Variants in CLSTN2 observed in about 807,000 individuals in gnomAD.
CLSTN2 encodes calsyntenin-2.
Under a neutral mutation model 101.2 loss-of-function variants are expected in CLSTN2, and 48 were observed. The ratio of observed to expected loss-of-function variants is 0.47; its 90% CI spans 0.38 to 0.60. The LOEUF (loss-of-function observed/expected upper bound fraction) is 0.60, where lower values mean the gene tolerates loss of function less well. Among genes scored for constraint, CLSTN2 ranks in the 20% least tolerant of loss-of-function variants. CLSTN2 has a pLI of 0.00. For synonymous variants in CLSTN2, 481 were observed against 463.6 expected (o/e 1.04, Z -0.48); for missense variants, 1,160 against 1,238.2 (o/e 0.94, Z 0.95).
intron 1 of CLSTN2, among the ~76,000 whole-genome samples, chr3:140,116,694 C>T (rs1045416549): frequency 2.0e-5 from 3 of 152,122 alleles, no homozygotes; most frequent in Non-Finnish European, 4.4e-5. Context: ...TGTCATTTAT[C>T]ACCATATCCC....
At chr3:140,040,773 G>C (rs1306991943) in intron 1 of CLSTN2, among the ~76,000 whole-genome samples, 2 of 152,112 alleles carry the variant, frequency 1.3e-5, no homozygotes, top group Non-Finnish European at 2.9e-5. Flanking sequence ...AAAGAATAAA[G>C]TCTTGGCTTG....
chr3:139,981,418 C>T (rs886082608), intron 1 of CLSTN2, among the ~76,000 whole-genome samples: 2 of 152,176 alleles, frequency 1.3e-5, no homozygotes, highest in Non-Finnish European at 2.9e-5. Flanking sequence ...TATTAATGGC[C>T]TTTGAAAGCA....
chr3:139,955,091 C>A (rs1935365596), intron 1 of CLSTN2, among the ~76,000 whole-genome samples: 1 of 89,512 alleles, frequency 1.1e-5, no homozygotes. Flanking sequence ...TATACACATA[C>A]ATGTATATAT....
chr3:140,469,523 C>T (rs963144195), intron 8 of CLSTN2, among the ~76,000 whole-genome samples: 10 of 152,170 alleles, frequency 6.6e-5, no homozygotes, highest in Admixed American at 1.3e-4. Flanking sequence ...AGTAAGGTCA[C>T]CTCCCCCAGG....
intron 2 of CLSTN2, among the ~76,000 whole-genome samples, chr3:140,273,687 G>A (rs2086765320): frequency 1.3e-5 from 2 of 152,082 alleles, no homozygotes; most frequent in South Asian, 2.1e-4. Flanking sequence ...CCCAGCAAGG[G>A]CCTCCTCGTC....
intron 1 of CLSTN2, among the ~76,000 whole-genome samples, chr3:140,033,774 C>T (rs999764198): frequency 7.9e-5 from 12 of 152,128 alleles, no homozygotes; most frequent in African/African-American, 2.7e-4. Context: ...TAGGCATAGG[C>T]GGGTGAAATT....
chr3:140,208,612 A>AT (rs2010813524), intron 2 of CLSTN2, among the ~76,000 whole-genome samples: 1 of 151,864 alleles, frequency 6.6e-6, no homozygotes, highest in Non-Finnish European at 1.5e-5. Flanking sequence ...TTCTCATTTT[A>AT]TTTTTTGCAT....
At chr3:140,330,400 T>A (rs1229896352) in intron 2 of CLSTN2, among the ~76,000 whole-genome samples, 1 of 152,208 alleles carries the variant, frequency 6.6e-6, no homozygotes, top group East Asian at 1.9e-4. Flanking sequence ...GGTCAACAAG[T>A]GTCCCAGCCA....
chr3:140,044,619 G>A (rs989645960), intron 1 of CLSTN2, among the ~76,000 whole-genome samples: 1 of 152,140 alleles, frequency 6.6e-6, no homozygotes, highest in African/African-American at 2.4e-5. Flanking sequence ...GTTTTCAAAG[G>A]GAATTCTTCC....
chr3:140,100,548 A>G (rs1027242517), intron 1 of CLSTN2, among the ~76,000 whole-genome samples: 1 of 152,248 alleles, frequency 6.6e-6, no homozygotes, highest in African/African-American at 2.4e-5. Context: ...TCTTCAAAAC[A>G]TGACTTGGTG....
intron 8 of CLSTN2, among the ~76,000 whole-genome samples, chr3:140,526,389 C>G (rs1174585428): frequency 6.6e-6 from 1 of 151,870 alleles, no homozygotes; most frequent in South Asian, 2.1e-4. Flanking sequence ...AGAAAACTAC[C>G]AAACACTGCT....
At chr3:140,515,726 GTGTT>G (rs1188002094) in intron 8 of CLSTN2, among the ~76,000 whole-genome samples, 8 of 152,082 alleles carry the variant, frequency 5.3e-5, no homozygotes, top group Admixed American at 1.3e-4. Flanking sequence ...GTCTGAGAGA[GTGTT>G]TGATATAATT....
At chr3:139,948,667 G>C (rs1009010185) in intron 1 of CLSTN2, among the ~76,000 whole-genome samples, 3 of 152,118 alleles carry the variant, frequency 2.0e-5, no homozygotes, top group African/African-American at 7.2e-5. Flanking sequence ...CTTTAGTACA[G>C]TGCTTTTACT....
chr3:140,238,322 A>G (rs557392746), intron 2 of CLSTN2, among the ~76,000 whole-genome samples: 60 of 152,252 alleles, frequency 3.9e-4, no homozygotes, highest in African/African-American at 1.4e-3. Flanking sequence ...AAACAGTGTA[A>G]AGAGATTATG....
At chr3:140,023,588 C>G (rs772731509) in intron 1 of CLSTN2, among the ~76,000 whole-genome samples, 4 of 152,100 alleles carry the variant, frequency 2.6e-5, no homozygotes, top group Non-Finnish European at 4.4e-5. Context: ...AACAAGAAAG[C>G]AGACTCCATT....
intron 1 of CLSTN2, among the ~76,000 whole-genome samples, chr3:139,983,740 A>T (rs1440404543): frequency 6.6e-6 from 1 of 152,138 alleles, no homozygotes; most frequent in African/African-American, 2.4e-5. Flanking sequence ...TTTAGCATTT[A>T]AAAAAATCAA....
At chr3:139,998,920 T>A (rs2006756159) in intron 1 of CLSTN2, among the ~76,000 whole-genome samples, 1 of 152,158 alleles carries the variant, frequency 6.6e-6, no homozygotes, top group African/African-American at 2.4e-5. Flanking sequence ...TGAGGCCAAA[T>A]TTAAAATGAG....
At chr3:140,444,127 A>G (rs72983199) in intron 5 of CLSTN2, among the ~76,000 whole-genome samples, 4,317 of 152,280 alleles carry the variant, frequency 0.028, 203 homozygotes, top group African/African-American at 0.097. Flanking sequence ...GTTCTGGCAA[A>G]TCCTCAGAAT....
In CLSTN2 at chr3:140,566,632, C is replaced by G. The variant is rs1311289134; in HGVS notation, c.*379C>G. On this transcript the variant is annotated 3_prime_UTR_variant, in exon 17 of 17. Coordinates refer to ENST00000458420, the MANE Select transcript of CLSTN2 (RefSeq NM_022131.3). ...AGTCCCCAAGGCCCTGGGGTTCCAA[C>G]TCACTGTGCGTCTCCTCCACACAGA... 1 of 279,810 alleles carries G rather than the reference C, an allele frequency of 3.6e-6. No individual in the cohort carries two copies. Among genetic ancestry groups the G allele is most frequent in the Non-Finnish European group, 7.0e-6 (1 of 142,420 alleles). The allele number at this position is 279,810 out of a possible 1,614,324, so 17.3% of individuals were successfully genotyped here.
Sources: allele counts gnomAD v4.1 joint callset (sites outside exome capture counted in the v4.1 genomes callset), GRCh38; gene constraint gnomAD v4.1.1; transcripts MANE v1.5; gene names NCBI Gene and HGNC (gene_info 2026-07-23, HGNC 2026-07-21).